Variants in CDH18 observed in about 807,000 individuals in gnomAD.
CDH18 encodes cadherin-18.
In CDH18, 31 loss-of-function variants were observed where a neutral mutation model predicts 67.9. The observed-to-expected ratio is 0.46, with a 90% CI of 0.34 to 0.62. The LOEUF is 0.62. Ranked by LOEUF, CDH18 falls within the 20% of genes least tolerant of loss-of-function variation. CDH18 has a pLI of 0.01. For synonymous variants in CDH18, 362 were observed against 347.2 expected (o/e 1.04, Z -0.48); for missense variants, 890 against 975.5 (o/e 0.91, Z 1.17).
Position 19,561,451 on chromosome 5 carries a change from T to C in CDH18, c.1253+10128A>G, listed in dbSNP as rs185342286. On this transcript the variant is annotated intron_variant, in intron 8 of 12. Transcript: ENST00000382275. The stretch of plus-strand genomic sequence containing the variant: ...TATTTTCTCACTCATAAGTGGGAGC[T>C]AAGCTATGAGGATGCAAAGGCACAA... 1.8e-3 allele frequency among the ~76,000 whole-genome samples: 279 copies of C among 152,212 alleles called. 1 individual carries two copies. The Middle Eastern group carries it at 0.024, about 13-fold the overall frequency.
intron 2 of CDH18, among the ~76,000 whole-genome samples, chr5:20,172,230 A>ACG (rs1554098793): frequency 1.1e-4 from 11 of 96,676 alleles, no homozygotes; most frequent in African/African-American, 3.1e-4. Flanking sequence ...ATATGTATAT[A>ACG]TATATATATG....
intron 10 of CDH18, among the ~76,000 whole-genome samples, chr5:19,516,659 A>G (rs1357123172): frequency 6.6e-6 from 1 of 152,066 alleles, no homozygotes; most frequent in Non-Finnish European, 1.5e-5. Flanking sequence ...GTATTCTCTG[A>G]TGGTAGTTTG....
chr5:19,604,530 AACACAC>A (rs4002268), intron 6 of CDH18, among the ~76,000 whole-genome samples: 3,526 of 145,158 alleles, frequency 0.024, 60 homozygotes, highest in Middle Eastern at 0.034. Flanking sequence ...TTCAAATTAA[AACACAC>A]ACACACACAC....
chr5:19,473,840 T>C (rs777769696), intron 12 of CDH18, 124 bp from the exon 13 acceptor site: 3 of 785,336 alleles, frequency 3.8e-6, no homozygotes, highest in Middle Eastern at 2.8e-4. Context: ...TAGGCTGGCA[T>C]TGCAGCACAA....
chr5:19,526,145 T>G (rs1747719265), intron 9 of CDH18, among the ~76,000 whole-genome samples: 1 of 152,128 alleles, frequency 6.6e-6, no homozygotes, highest in South Asian at 2.1e-4. Flanking sequence ...CAAGTTGTGT[T>G]TTTGAGAAAC....
chr5:20,397,381 C>T (rs77714885), intron 1 of CDH18, among the ~76,000 whole-genome samples: 94 of 152,256 alleles, frequency 6.2e-4, no homozygotes, highest in African/African-American at 2.2e-3. Context: ...ATCCACTCCC[C>T]TTTGCCTCCC....
chr5:19,721,259 T>C lies in CDH18; in HGVS notation c.643+88A>G, dbSNP rs570411027. 1.5e-5 allele frequency: 19 copies of C among 1,230,396 alleles called. No individual in the cohort carries two copies. In the East Asian group the frequency reaches 4.0e-4, roughly 26 times the overall value. 76.2% of individuals were successfully genotyped at this position (1,230,396 alleles called of 1,614,324 possible). On this transcript the variant is annotated intron_variant, in intron 5 of 12. Transcript: ENST00000382275. ...AATATGTTAAAATCACATCATCTAA[T>C]GGAAAAGAGCATATGGAAATAAAAA...
intron 1 of CDH18, among the ~76,000 whole-genome samples, chr5:20,450,858 A>G (rs372522826): frequency 1.3e-5 from 2 of 152,182 alleles, no homozygotes; most frequent in East Asian, 3.9e-4. Context: ...ATGGCTAGGA[A>G]AGCCTCATAA....
intron 6 of CDH18, among the ~76,000 whole-genome samples, chr5:19,607,891 A>T (rs1043780583): frequency 7.3e-5 from 11 of 151,694 alleles, no homozygotes; most frequent in Non-Finnish European, 1.2e-4. Context: ...ACTTTAAGGT[A>T]TGGAGTATTA....
intron 8 of CDH18, among the ~76,000 whole-genome samples, chr5:19,552,009 G>A (rs1339600897): frequency 6.6e-6 from 1 of 152,124 alleles, no homozygotes; most frequent in Non-Finnish European, 1.5e-5. Context: ...TTATAATGGA[G>A]ACTGATAATA....
intron 3 of CDH18, among the ~76,000 whole-genome samples, chr5:19,832,298 A>G (rs1210164770): frequency 6.6e-6 from 1 of 152,158 alleles, no homozygotes; most frequent in East Asian, 1.9e-4. Flanking sequence ...ATTATTTTAT[A>G]ACGTAAAATA....
intron 2 of CDH18, among the ~76,000 whole-genome samples, chr5:20,012,372 CAAAAAAAA>C (rs374226366): frequency 8.6e-6 from 1 of 116,088 alleles, no homozygotes; most frequent in Non-Finnish European, 1.7e-5. Context: ...TTATCTTGTT[CAAAAAAAA>C]AAAAAAAAAA....
chr5:19,843,660 C>T (rs1483078066), intron 2 of CDH18, among the ~76,000 whole-genome samples: 1 of 152,176 alleles, frequency 6.6e-6, no homozygotes, highest in African/African-American at 2.4e-5. Flanking sequence ...GTAGATCCAC[C>T]AACAGCTTGC....
At chr5:19,698,238 A>G (rs1175133852) in intron 5 of CDH18, among the ~76,000 whole-genome samples, 1 of 152,298 alleles carries the variant, frequency 6.6e-6, no homozygotes, top group South Asian at 2.1e-4. Flanking sequence ...AAGATATGGA[A>G]GTTTTTTTAA....
chr5:20,362,330 A>T (rs1342781808), intron 1 of CDH18, among the ~76,000 whole-genome samples: 2 of 152,180 alleles, frequency 1.3e-5, no homozygotes, highest in African/African-American at 2.4e-5. Context: ...TGATAAATTA[A>T]TAAGGAGGAG....
At chr5:20,315,698 A>G (rs375209979) in intron 1 of CDH18, among the ~76,000 whole-genome samples, 1 of 151,806 alleles carries the variant, frequency 6.6e-6, no homozygotes, top group Non-Finnish European at 1.5e-5. Context: ...TGCTTCTAAC[A>G]CTCATCCTCT....
At position 20,048,579 on chromosome 5, in the gene CDH18, G is replaced by T. The variant is rs574918688; in HGVS notation, c.-517-56565C>A. Among the ~76,000 whole-genome samples, 653 of 151,582 alleles carry T rather than the reference G, an allele frequency of 4.3e-3. 10 individuals carry two copies. The highest frequency in any genetic ancestry group is 0.024 in the Middle Eastern group (7 of 294). On this transcript the variant is annotated intron_variant, in intron 2 of 14. Transcript: ENST00000507958. ...ATCTCAGAGTGTTTCAAGTAACTTG[G>T]TGAGAACTTTCAGGCGGTAATCAAA...
intron 5 of CDH18, 102 bp from the exon 6 acceptor site, chr5:19,612,703 A>T: frequency 1.1e-6 from 1 of 882,054 alleles, no homozygotes; most frequent in Non-Finnish European, 1.7e-6. Context: ...AAAATAGCAT[A>T]TTTTTGGGAT....
intron 2 of CDH18, among the ~76,000 whole-genome samples, chr5:20,158,365 T>C (rs1408817993): frequency 2.0e-5 from 3 of 152,188 alleles, no homozygotes; most frequent in Non-Finnish European, 4.4e-5. Context: ...AGTAATTCCA[T>C]AAAGTCTTTG....
Sources: allele counts gnomAD v4.1 joint callset (sites outside exome capture counted in the v4.1 genomes callset), GRCh38; gene constraint gnomAD v4.1.1; transcripts MANE v1.5; gene names NCBI Gene and HGNC (gene_info 2026-07-23, HGNC 2026-07-21).